The following RNF111 variants were observed in gnomAD, a reference collection of about 807,000 sequenced individuals.
RNF111 encodes the protein E3 ubiquitin-protein ligase Arkadia.
In RNF111, 17 loss-of-function variants were observed where a neutral mutation model predicts 95.1. That is an observed-to-expected ratio of 0.18 (90% CI 0.12 to 0.27). The LOEUF (loss-of-function observed/expected upper bound fraction) is 0.27, where lower values mean the gene tolerates loss of function less well. Among genes scored for constraint, RNF111 ranks in the 10% least tolerant of loss-of-function variants. The pLI, the probability that RNF111 is intolerant of heterozygous loss-of-function variation, is 1.00. For synonymous variants in RNF111, 440 were observed against 414.8 expected, an observed-to-expected ratio of 1.06 and a Z score of -0.74; for missense variants, 1,189 against 1,210.4, an observed-to-expected ratio of 0.98 and a Z score of 0.26.
At chr15:59,054,216 C>T (rs1346490042) in intron 3 of RNF111, among the ~76,000 whole-genome samples, 3 of 152,168 alleles carry the variant, frequency 2.0e-5, no homozygotes, top group Non-Finnish European at 4.4e-5. Flanking sequence ...GGATTACAGG[C>T]GTGAGCCACC....
At chr15:58,993,283 T>C (rs1353677420) in intron 1 of RNF111, among the ~76,000 whole-genome samples, 2 of 151,308 alleles carry the variant, frequency 1.3e-5, no homozygotes. Context: ...CCAAGGCGAG[T>C]GGATCACCTG....
At chr15:58,990,881 T>TAG (rs139591059) in intron 1 of RNF111, among the ~76,000 whole-genome samples, 1,873 of 152,306 alleles carry the variant, frequency 0.012, 34 homozygotes, top group East Asian at 0.038. Context: ...TTGAATGTCT[T>TAG]ATACCTCTGT....
intron 2 of RNF111, among the ~76,000 whole-genome samples, chr15:59,039,200 G>A (rs2041329455): frequency 6.6e-6 from 1 of 152,106 alleles, no homozygotes; most frequent in Admixed American, 6.5e-5. Flanking sequence ...CTAACCTCAG[G>A]TCATCTGCCC....
At chr15:59,010,424 T>A (rs1301024071) in intron 1 of RNF111, among the ~76,000 whole-genome samples, 1 of 152,090 alleles carries the variant, frequency 6.6e-6, no homozygotes, top group Non-Finnish European at 1.5e-5. Flanking sequence ...TTTTTTGAGA[T>A]GGAGTCTCAC....
chr15:59,066,778 A>G lies in RNF111; in HGVS notation c.1381A>G (p.Thr461Ala), dbSNP rs2042675448. 1.9e-6 allele frequency: 3 copies of G among 1,613,582 alleles called. No homozygotes were observed. The highest frequency in any genetic ancestry group is 1.7e-6 in the Non-Finnish European group (2 of 1,179,616). Residue 461 changes from threonine to alanine, a missense_variant, in exon 6 of 14, where the codon ACT (threonine) becomes GCT (alanine). Around this residue, in one of 2 missense-constraint regions of RNF111, gnomAD observed 1,024 missense variants for 925.9 expected, o/e 1.11. Coordinates refer to ENST00000348370, the MANE Select transcript of RNF111 (RefSeq NM_017610.8). Reference protein sequence around the residue: ...GTSIGDDSRRTTSSAVTETGP... With the variant: ...GTSIGDDSRRATSSAVTETGP... ...TCTGTTTCAAGATGACTCAAGGAGA[A>G]CTACATCTAGTGCTGTAACGGAAAC...
At chr15:59,069,228 A>G (rs1283377211) in intron 6 of RNF111, among the ~76,000 whole-genome samples, 4 of 152,228 alleles carry the variant, frequency 2.6e-5, no homozygotes, top group African/African-American at 4.8e-5. Flanking sequence ...GATTGTCCAG[A>G]CCTGTCCTAT....
intron 7 of RNF111, among the ~76,000 whole-genome samples, chr15:59,080,318 G>A (rs1333426801): frequency 3.3e-5 from 5 of 151,734 alleles, no homozygotes; most frequent in Non-Finnish European, 5.9e-5. Flanking sequence ...ACGGGGCTTC[G>A]CCATGTTGGC....
Position 59,030,893 on chromosome 15 carries a change from C to T in RNF111, c.71C>T (p.Ser24Phe). ...GTGGATATGAAGAGTGAGATTCCTT[C>T]TGATGCACCAAAGACACAGGAGAGT... is the stretch of plus-strand genomic sequence containing the variant. ...LKVDMKSEIP[S>F]DAPKTQESLK... The change falls in exon 2 of 14, where the codon TCT (serine) becomes TTT (phenylalanine). Residue 24 changes from serine (S) to phenylalanine (F), a missense_variant. Physicochemically the swap from Ser to Phe is radical, Grantham distance 155. Around this residue, in one of 2 missense-constraint regions of RNF111, gnomAD observed 1,024 missense variants for 925.9 expected, o/e 1.11. Coordinates refer to ENST00000348370, the MANE Select transcript of RNF111 (RefSeq NM_017610.8). 1.2e-6 allele frequency: 2 copies of T among 1,614,138 alleles called. No homozygotes were observed. The highest frequency in any genetic ancestry group is 1.7e-6 in the Non-Finnish European group (2 of 1,179,994).
intron 6 of RNF111, among the ~76,000 whole-genome samples, chr15:59,071,923 T>A (rs1332715467): frequency 6.6e-6 from 1 of 152,180 alleles, no homozygotes; most frequent in African/African-American, 2.4e-5. Context: ...TCCCAGTACA[T>A]ATAAAATTTA....
At chr15:59,041,080 T>C (rs1202103404) in intron 2 of RNF111, among the ~76,000 whole-genome samples, 1 of 152,146 alleles carries the variant, frequency 6.6e-6, no homozygotes, top group Non-Finnish European at 1.5e-5. Flanking sequence ...ATTGTTGGGG[T>C]ATACAGAGAT....
chr15:59,070,605 T>C (rs1015728855), intron 6 of RNF111, among the ~76,000 whole-genome samples: 1 of 152,226 alleles, frequency 6.6e-6, no homozygotes, highest in East Asian at 1.9e-4. Flanking sequence ...AACAGACATA[T>C]ACTTGATTGT....
chr15:59,028,781 A>ATTTTTTTT (rs34725448), intron 1 of RNF111, among the ~76,000 whole-genome samples: 3 of 147,144 alleles, frequency 2.0e-5, no homozygotes, highest in Non-Finnish European at 4.5e-5. Flanking sequence ...TTTGTGTTTA[A>ATTTTTTTT]TTTTTTTTTT....
At chr15:59,064,093 C>T (rs138410657) in intron 5 of RNF111, among the ~76,000 whole-genome samples, 2,029 of 152,252 alleles carry the variant, frequency 0.013, 38 homozygotes, top group Non-Finnish European at 0.017. Flanking sequence ...TTGGGTTCAG[C>T]ATAGCCCTAA....
intron 2 of RNF111, among the ~76,000 whole-genome samples, chr15:59,047,141 A>G (rs2141915580): frequency 6.6e-6 from 1 of 152,318 alleles, no homozygotes; most frequent in East Asian, 1.9e-4. Flanking sequence ...TTATAATTCA[A>G]CAATGAGACC....
Position 59,060,914 on chromosome 15 carries a change from G to A in RNF111, c.1366+2364G>A, listed in dbSNP as rs77730322. Among the ~76,000 whole-genome samples, 1,405 of 151,608 alleles carry A rather than the reference G, an allele frequency of 9.3e-3. 14 individuals carry two copies. The highest frequency in any genetic ancestry group is 0.015 in the Non-Finnish European group (1,046 of 67,908). On this transcript the variant is annotated intron_variant, in intron 5 of 13. Coordinates refer to ENST00000348370, the MANE Select transcript of RNF111 (RefSeq NM_017610.8). ...CCTCCCAGGCTCAAGTGATCCTCCC[G>A]AGTAGATGGGGGACCACAGGCATGA... is the stretch of plus-strand genomic sequence containing the variant.
At chr15:59,024,979 C>A (rs2040527957) in intron 1 of RNF111, among the ~76,000 whole-genome samples, 1 of 152,224 alleles carries the variant, frequency 6.6e-6, no homozygotes, top group Admixed American at 6.5e-5. Context: ...CAAGATTCAT[C>A]CATGTTGTAA....
chr15:59,012,003 C>CTTT lies in RNF111; in HGVS notation c.-19-18774_-19-18772dup, dbSNP rs71425836. ...TTAGTGTTCTTTTTTGTTTGTTTGC[C>CTTT]TTTTTTTTTTTTTTTTTTTTTTTTT... On this transcript the variant is annotated intron_variant, in intron 1 of 13. Coordinates refer to ENST00000348370, the MANE Select transcript of RNF111 (RefSeq NM_017610.8). Among the ~76,000 whole-genome samples the CTTT allele has an allele frequency of 4.1e-3, 166 of 40,444 alleles. 27 individuals are homozygous for CTTT. The highest frequency in any genetic ancestry group is 7.4e-3 in the African/African-American group (90 of 12,116). The allele number at this position is 40,444 out of a possible 152,430, so 26.5% of individuals were successfully genotyped here.
chr15:59,093,363 C>CTTTTTTTTTTGTTTTTT (rs398043367), intron 13 of RNF111: 1 of 181,700 alleles, frequency 5.5e-6, no homozygotes. Context: ...TTTTTTTTTC[C>CTTTTTTTTTTGTTTTTT]TTTTCTGGGA....
At chr15:59,082,265 C>T (rs1283718697) in intron 8 of RNF111, among the ~76,000 whole-genome samples, 1 of 152,112 alleles carries the variant, frequency 6.6e-6, no homozygotes, top group East Asian at 1.9e-4. Context: ...TTTATGCAAA[C>T]CAATTAAAAA....
Sources: gnomAD v4.1 joint callset for allele counts (sites outside exome capture counted in the v4.1 genomes callset) on GRCh38, gnomAD v4.1.1 for gene constraint, gnomAD v4.1.1 regional missense constraint, MANE v1.5 for transcripts, NCBI Gene and HGNC (gene_info 2026-07-23, HGNC 2026-07-21) for gene names.